Variants in PRKG1 observed in about 807,000 individuals in gnomAD.
PRKG1 encodes the protein protein kinase cGMP-dependent 1.
A neutral mutation model predicts 88.1 loss-of-function variants in PRKG1; 35 were observed. The ratio of observed to expected loss-of-function variants is 0.40; its 90% CI spans 0.30 to 0.53. The LOEUF (loss-of-function observed/expected upper bound fraction) is 0.53. Ranked by LOEUF, PRKG1 falls within the 20% of genes least tolerant of loss-of-function variation. The pLI is 0.59. For synonymous variants in PRKG1, 303 were observed against 292.5 expected (o/e 1.04, Z -0.37); for missense variants, 540 against 839.8 (o/e 0.64, Z 4.41).
At position 51,627,992 on chromosome 10, in the gene PRKG1, C is replaced by CTTTCTTTCTT. The variant is rs1166434553; in HGVS notation, c.592+160157_592+160158insTTCTTTCTTT. Among the ~76,000 whole-genome samples the CTTTCTTTCTT allele has an allele frequency of 3.1e-3, 93 of 29,664 alleles. 3 individuals carry two copies. The highest frequency in any genetic ancestry group is 7.5e-3 in the African/African-American group (79 of 10,478). The allele number at this position is 29,664 out of a possible 152,430, so 19.5% of individuals were successfully genotyped here. On this transcript the variant is annotated intron_variant, in intron 3 of 17. Coordinates refer to ENST00000373980, the MANE Select transcript of PRKG1 (RefSeq NM_006258.4). ...TTTCTCTTTCTTTCTTTCTTTCTTT[C>CTTTCTTTCTT]TCTCTCTCTCTCTCTCTCTTTCTTT... is the stretch of plus-strand genomic sequence containing the variant.
chr10:51,414,219 T>G (rs1459979324), intron 2 of PRKG1, among the ~76,000 whole-genome samples: 1 of 152,184 alleles, frequency 6.6e-6, no homozygotes, highest in East Asian at 1.9e-4. Context: ...GTTTTCCTTC[T>G]CCAACAAACA....
intron 9 of PRKG1, among the ~76,000 whole-genome samples, chr10:52,166,819 G>GTCTATATATGTA (rs1838470414): frequency 3.6e-5 from 2 of 55,310 alleles, no homozygotes; most frequent in Non-Finnish European, 4.1e-5. Flanking sequence ...GTATATATAT[G>GTCTATATATGTA]TATATATATG....
At chr10:51,477,781 A>G (rs1840240475) in intron 3 of PRKG1, among the ~76,000 whole-genome samples, 1 of 152,038 alleles carries the variant, frequency 6.6e-6, no homozygotes, top group South Asian at 2.1e-4. Context: ...TTTGAAACCC[A>G]TAGATACAGA....
At chr10:51,017,287 A>C (rs944207161) in intron 1 of PRKG1, among the ~76,000 whole-genome samples, 1 of 151,884 alleles carries the variant, frequency 6.6e-6, no homozygotes, top group Admixed American at 6.6e-5. Flanking sequence ...ATTTTGTAAA[A>C]TTTTTTTACA....
At chr10:52,115,888 G>A (rs1341558493) in intron 7 of PRKG1, among the ~76,000 whole-genome samples, 1 of 152,014 alleles carries the variant, frequency 6.6e-6, no homozygotes, top group East Asian at 1.9e-4. Context: ...GATATTCAGA[G>A]AAAAACTTTA....
At chr10:51,451,138 G>C (rs976144289) in intron 2 of PRKG1, among the ~76,000 whole-genome samples, 2 of 151,700 alleles carry the variant, frequency 1.3e-5, no homozygotes, top group African/African-American at 4.8e-5. Context: ...ATAAATTTGT[G>C]ATTTACTAAT....
intron 4 of PRKG1, among the ~76,000 whole-genome samples, chr10:51,851,030 TGG>T (rs1342139109): frequency 1.3e-5 from 2 of 152,196 alleles, no homozygotes; most frequent in African/African-American, 4.8e-5. Flanking sequence ...ACAAACGTGC[TGG>T]GATGTTTATT....
In PRKG1 at chr10:52,051,462, C is replaced by T. The variant is rs952744722; in HGVS notation, c.763-3022C>T. Among the ~76,000 whole-genome samples, 8 of 152,272 alleles carry T rather than the reference C, an allele frequency of 5.3e-5. No homozygotes were observed. In the East Asian group the frequency reaches 5.8e-4, roughly 11 times the overall value. On this transcript the variant is annotated intron_variant, in intron 5 of 17. Coordinates refer to ENST00000373980, the MANE Select transcript of PRKG1 (RefSeq NM_006258.4). ...ATGTCTCCCAGACTGTGCTCTCACA[C>T]GTATAGCCCTGTACTTATATACAGG...
At chr10:52,206,693 C>A (rs1389918754) in intron 9 of PRKG1, among the ~76,000 whole-genome samples, 1 of 152,168 alleles carries the variant, frequency 6.6e-6, no homozygotes, top group African/African-American at 2.4e-5. Context: ...CAGGGCTCAG[C>A]CCAAACACTC....
chr10:52,037,422 ATTTTTGGAGTTT>A (rs1254839090), intron 5 of PRKG1, among the ~76,000 whole-genome samples: 1 of 152,156 alleles, frequency 6.6e-6, no homozygotes, highest in Non-Finnish European at 1.5e-5. Context: ...CCGGAATTTA[ATTTTTGGAGTTT>A]TATTTAATGT....
intron 1 of PRKG1, among the ~76,000 whole-genome samples, chr10:51,108,516 A>G (rs79522626): frequency 0.033 from 5,098 of 152,274 alleles, 213 homozygotes; most frequent in African/African-American, 0.098. Context: ...AAACAAAAAC[A>G]AATCAAAAAC....
chr10:52,134,800 G>A (rs1837360707), intron 8 of PRKG1, among the ~76,000 whole-genome samples: 1 of 152,130 alleles, frequency 6.6e-6, no homozygotes, highest in Admixed American at 6.6e-5. Context: ...CGGATGGAGA[G>A]AAATTCTACC....
intron 2 of PRKG1, among the ~76,000 whole-genome samples, chr10:51,255,485 G>C (rs1038835651): frequency 3.9e-5 from 6 of 152,052 alleles, no homozygotes; most frequent in African/African-American, 1.4e-4. Flanking sequence ...TCTCACATAA[G>C]GATTTTTGAG....
chr10:51,182,495 C>T (rs1023676705), intron 2 of PRKG1, among the ~76,000 whole-genome samples: 8 of 152,056 alleles, frequency 5.3e-5, no homozygotes, highest in African/African-American at 1.9e-4. Flanking sequence ...CTGTTTGTGG[C>T]CAAATACATG....
chr10:52,239,287 A>G (rs1026541589), intron 9 of PRKG1, among the ~76,000 whole-genome samples: 15 of 146,964 alleles, frequency 1.0e-4, no homozygotes, highest in African/African-American at 3.5e-4. Context: ...TAACCTGCAC[A>G]ATGTGCACAT....
intron 3 of PRKG1, among the ~76,000 whole-genome samples, chr10:51,750,987 G>T (rs4306254): frequency 0.35 from 53,560 of 151,856 alleles, 10,400 homozygotes; most frequent in Middle Eastern, 0.53. Context: ...CCCTTTTCTG[G>T]TGCTGAAGTT....
chr10:52,223,659 C>T (rs188949299), intron 9 of PRKG1, among the ~76,000 whole-genome samples: 7 of 152,184 alleles, frequency 4.6e-5, no homozygotes, highest in Non-Finnish European at 8.8e-5. Flanking sequence ...CAACTTCAGA[C>T]ATCTAGCAAC....
chr10:51,618,174 A>T (rs867474866), intron 3 of PRKG1, among the ~76,000 whole-genome samples: 1 of 152,188 alleles, frequency 6.6e-6, no homozygotes, highest in African/African-American at 2.4e-5. Flanking sequence ...TCAGAGATTA[A>T]GGAAACTTGG....
chr10:51,963,081 T>A (rs1044692184), intron 5 of PRKG1, among the ~76,000 whole-genome samples: 11 of 152,208 alleles, frequency 7.2e-5, no homozygotes, highest in African/African-American at 2.6e-4. Flanking sequence ...ACAAACTTTT[T>A]TTTTGCAATG....
Sources: gnomAD v4.1 joint callset for allele counts (sites outside exome capture counted in the v4.1 genomes callset) on GRCh38, gnomAD v4.1.1 for gene constraint, MANE v1.5 for transcripts, NCBI Gene and HGNC (gene_info 2026-07-23, HGNC 2026-07-21) for gene names.